The following LYRM4 variants were observed in gnomAD, a reference collection of about 807,000 sequenced individuals.
The protein encoded by LYRM4 is LYR motif-containing protein 4.
LYRM4 carries 9 observed loss-of-function variants against 11.7 expected under a neutral mutation model. The ratio of observed to expected loss-of-function variants is 0.77; its 90% CI spans 0.46 to 1.34. LYRM4 has a LOEUF of 1.34. LYRM4 is among the 40% of genes most tolerant of loss of function. The pLI is 0.00. For missense variants in LYRM4, 133 were observed against 112.5 expected, an observed-to-expected ratio of 1.18 and a Z score of -0.82; for synonymous variants, 42 against 40.4, an observed-to-expected ratio of 1.04 and a Z score of -0.15.
the LYRM4 span, among the ~76,000 whole-genome samples, chr6:5,046,665 T>C: frequency 2.6e-5 from 4 of 152,188 alleles, no homozygotes; most frequent in Non-Finnish European, 5.9e-5. Flanking sequence ...TTAAAGTAGT[T>C]GAACTTAGAT....
intron 2 of LYRM4, among the ~76,000 whole-genome samples, chr6:5,200,101 GT>G (rs1382306533): frequency 6.6e-6 from 1 of 152,224 alleles, no homozygotes; most frequent in Non-Finnish European, 1.5e-5. Flanking sequence ...AACTGTAGAT[GT>G]ACTTGGAATC....
chr6:5,236,719 G>A (rs765917942), intron 1 of LYRM4, among the ~76,000 whole-genome samples: 2 of 151,786 alleles, frequency 1.3e-5, no homozygotes, highest in South Asian at 2.1e-4. Context: ...AGGCCAAGGC[G>A]GGAGGATTGC....
chr6:5,049,878 C>T, the LYRM4 span, among the ~76,000 whole-genome samples: 2 of 152,298 alleles, frequency 1.3e-5, no homozygotes, highest in Admixed American at 6.5e-5. Context: ...TCATGTTGGC[C>T]AGGTTGGTCT....
At chr6:5,228,278 GTCTT>G (rs1445840354) in intron 1 of LYRM4, among the ~76,000 whole-genome samples, 2 of 151,960 alleles carry the variant, frequency 1.3e-5, no homozygotes, top group Non-Finnish European at 2.9e-5. Context: ...CAATAAGAAA[GTCTT>G]TCTTTTTTTT....
intron 2 of LYRM4, among the ~76,000 whole-genome samples, chr6:5,141,980 C>T (rs1296269103): frequency 2.0e-5 from 3 of 152,094 alleles, no homozygotes; most frequent in Admixed American, 1.3e-4. Context: ...ATGCCATGAT[C>T]GCTGAGGGTC....
the LYRM4 span, among the ~76,000 whole-genome samples, chr6:5,091,514 A>C: frequency 6.6e-6 from 1 of 151,852 alleles, no homozygotes; most frequent in East Asian, 1.9e-4. Context: ...TCAGATTTCA[A>C]CTCTTTTGAA....
intron 2 of LYRM4, among the ~76,000 whole-genome samples, chr6:5,143,961 C>A (rs1230852144): frequency 6.6e-6 from 1 of 152,188 alleles, no homozygotes; most frequent in Non-Finnish European, 1.5e-5. Flanking sequence ...AGTATATCTT[C>A]CACCAGCAGC....
At chr6:5,065,376 A>G in the LYRM4 span, among the ~76,000 whole-genome samples, 1 of 152,134 alleles carries the variant, frequency 6.6e-6, no homozygotes, top group East Asian at 1.9e-4. Context: ...AATTTAAACA[A>G]TTTCATTCTG....
the LYRM4 span, chr6:5,043,195 A>G: frequency 2.0e-5 from 3 of 152,166 alleles, no homozygotes; most frequent in Admixed American, 2.0e-4. Flanking sequence ...TAACTGCAGG[A>G]CTTGCCACCA....
chr6:5,103,247 G>A (rs949189380), downstream of LYRM4: 2 of 152,208 alleles, frequency 1.3e-5, no homozygotes, highest in Non-Finnish European at 1.5e-5. Context: ...CAGAAGAAGC[G>A]GGGAGGCATC....
intron 2 of LYRM4, among the ~76,000 whole-genome samples, chr6:5,118,786 A>T (rs760433574): frequency 6.6e-6 from 1 of 152,254 alleles, no homozygotes; most frequent in Non-Finnish European, 1.5e-5. Context: ...TAGCAGCAAG[A>T]AGTATTGTGA....
chr6:5,143,542 A>G (rs1002495863), intron 2 of LYRM4, among the ~76,000 whole-genome samples: 3 of 152,214 alleles, frequency 2.0e-5, no homozygotes, highest in African/African-American at 7.2e-5. Context: ...CATAGGCCTA[A>G]GCTCAGAGGG....
chr6:5,198,473 G>A (rs1228661946), intron 2 of LYRM4, among the ~76,000 whole-genome samples: 2 of 152,124 alleles, frequency 1.3e-5, no homozygotes, highest in African/African-American at 4.8e-5. Context: ...TGTGTGAAAG[G>A]ACTCTATGAG....
the LYRM4 span, among the ~76,000 whole-genome samples, chr6:5,053,247 G>A: frequency 6.6e-6 from 1 of 152,134 alleles, no homozygotes; most frequent in Non-Finnish European, 1.5e-5. Context: ...AAATCAGGAA[G>A]TTCTTGTTCC....
chr6:5,143,801 G>A (rs890102520), intron 2 of LYRM4, among the ~76,000 whole-genome samples: 2 of 151,666 alleles, frequency 1.3e-5, no homozygotes, highest in South Asian at 2.1e-4. Flanking sequence ...GAAAGCATGC[G>A]GCCAGCAGAT....
At chr6:5,086,926 G>T in the LYRM4 span, 5 of 271,710 alleles carry the variant, frequency 1.8e-5, no homozygotes, top group Admixed American at 1.9e-4. Flanking sequence ...AAGGCCTTGG[G>T]ATTGGTTTTT....
At chr6:5,162,044 C>T (rs971280794) in intron 2 of LYRM4, among the ~76,000 whole-genome samples, 5 of 152,120 alleles carry the variant, frequency 3.3e-5, no homozygotes, top group Non-Finnish European at 7.4e-5. Flanking sequence ...AAAAGAACTC[C>T]TCCCCAACCC....
At chr6:5,203,730 C>T (rs967071997) in intron 2 of LYRM4, among the ~76,000 whole-genome samples, 1 of 152,186 alleles carries the variant, frequency 6.6e-6, no homozygotes, top group Admixed American at 6.5e-5. Flanking sequence ...TGTATTATAA[C>T]AAGAACAGCA....
intron 2 of LYRM4, among the ~76,000 whole-genome samples, chr6:5,168,139 A>G (rs76507512): frequency 0.013 from 1,967 of 152,066 alleles, 16 homozygotes; most frequent in Non-Finnish European, 0.02. Context: ...CAGTGGGAGA[A>G]GAGAGAGGAA....
Sources: gnomAD v4.1 joint callset for allele counts (sites outside exome capture counted in the v4.1 genomes callset) on GRCh38, gnomAD v4.1.1 for gene constraint, MANE v1.5 for transcripts, NCBI Gene and HGNC (gene_info 2026-07-23, HGNC 2026-07-21) for gene names.